Variants in KIAA1217 observed in about 807,000 individuals in gnomAD.
The protein encoded by KIAA1217 is sickle tail protein homolog.
A neutral mutation model predicts 163.9 loss-of-function variants in KIAA1217; 88 were observed. The observed-to-expected ratio is 0.54, with a 90% CI of 0.45 to 0.64. KIAA1217 has a LOEUF of 0.64. Ranked by LOEUF, KIAA1217 falls within the 30% of genes least tolerant of loss-of-function variation. The probability of loss-of-function intolerance (pLI) is 0.00; values close to 1 mark genes in which losing one functional copy is unlikely to be tolerated. For missense variants in KIAA1217, 2,372 were observed against 2,475.0 expected (o/e 0.96, Z 0.88); for synonymous variants, 903 against 923.1 (o/e 0.98, Z 0.39).
At chr10:23,927,862 G>T (rs377605581) in intron 1 of KIAA1217, among the ~76,000 whole-genome samples, 3 of 152,110 alleles carry the variant, frequency 2.0e-5, no homozygotes, top group East Asian at 3.9e-4. Context: ...ATGTCACATT[G>T]AACATAAGAC....
intron 2 of KIAA1217, among the ~76,000 whole-genome samples, chr10:24,149,731 A>G (rs1235264179): frequency 6.6e-6 from 1 of 152,192 alleles, no homozygotes; most frequent in Non-Finnish European, 1.5e-5. Flanking sequence ...TTATATTTCA[A>G]AATAACTACA....
At chr10:23,740,634 A>C (rs1453356395) in intron 1 of KIAA1217, among the ~76,000 whole-genome samples, 4 of 152,150 alleles carry the variant, frequency 2.6e-5, no homozygotes, top group Admixed American at 6.5e-5. Context: ...TGCTGTGATT[A>C]CAGGCATGAG....
chr10:23,953,167 G>C (rs940268557), intron 1 of KIAA1217, among the ~76,000 whole-genome samples: 1 of 152,220 alleles, frequency 6.6e-6, no homozygotes, highest in Non-Finnish European at 1.5e-5. Context: ...TAACAGTTAA[G>C]AGTTTGGGCT....
chr10:24,295,463 AG>A (rs1219187012), intron 2 of KIAA1217, among the ~76,000 whole-genome samples: 1 of 152,168 alleles, frequency 6.6e-6, no homozygotes, highest in African/African-American at 2.4e-5. Context: ...GGACTATTTC[AG>A]GAGCCCCTTC....
At chr10:23,920,709 T>C (rs1842819413) in intron 1 of KIAA1217, among the ~76,000 whole-genome samples, 1 of 152,170 alleles carries the variant, frequency 6.6e-6, no homozygotes, top group African/African-American at 2.4e-5. Flanking sequence ...GCCCAGTCAG[T>C]CCACTGATAG....
At chr10:24,437,107 A>G (rs1166121155) in intron 4 of KIAA1217, among the ~76,000 whole-genome samples, 3 of 152,180 alleles carry the variant, frequency 2.0e-5, no homozygotes, top group Non-Finnish European at 4.4e-5. Flanking sequence ...CCAGAATCAC[A>G]GTTAGTCTTT....
chr10:23,987,324 C>G (rs368552207), intron 1 of KIAA1217, among the ~76,000 whole-genome samples: 11 of 140,020 alleles, frequency 7.9e-5, no homozygotes, highest in African/African-American at 2.7e-4. Flanking sequence ...TTGCAGTGAG[C>G]TGAGATTGCA....
intron 1 of KIAA1217, among the ~76,000 whole-genome samples, chr10:23,899,326 T>C (rs961223671): frequency 3.3e-5 from 5 of 152,118 alleles, no homozygotes; most frequent in Non-Finnish European, 7.4e-5. Context: ...TGTCAGTACT[T>C]GATATTGTCA....
At chr10:24,133,894 C>T (rs1253083207) in intron 2 of KIAA1217, among the ~76,000 whole-genome samples, 1 of 152,132 alleles carries the variant, frequency 6.6e-6, no homozygotes, top group Non-Finnish European at 1.5e-5. Flanking sequence ...TAGGAGTGGT[C>T]AGAAAATAGT....
At chr10:24,057,074 T>A (rs2131592913) in intron 2 of KIAA1217, among the ~76,000 whole-genome samples, 1 of 151,140 alleles carries the variant, frequency 6.6e-6, no homozygotes, top group African/African-American at 2.4e-5. Context: ...GAAGACCCCA[T>A]CTCTACAAAA....
At position 23,855,804 on chromosome 10, in the gene KIAA1217, C is replaced by T. The variant is rs529243331; in HGVS notation, c.-320-151421C>T. Among the ~76,000 whole-genome samples, 6 of 152,276 alleles carry T rather than the reference C, an allele frequency of 3.9e-5. No individual in the cohort carries two copies. The East Asian group carries it at 7.7e-4, about 20-fold the overall frequency. On this transcript the variant is annotated intron_variant, in intron 1 of 18. Transcript: ENST00000376462. ...TACCCTTTCTTCCAGTTGATCGCATCGGCTCCTGAGGCTTCTGCATTCTTC... is the reference window on the plus strand; with the variant it reads ...TACCCTTTCTTCCAGTTGATCGCATTGGCTCCTGAGGCTTCTGCATTCTTC...
chr10:24,508,472 C>T (rs546622824), intron 9 of KIAA1217, among the ~76,000 whole-genome samples: 1 of 152,260 alleles, frequency 6.6e-6, no homozygotes, highest in Admixed American at 6.5e-5. Flanking sequence ...TAACACTGTA[C>T]TGAAGATTGT....
At position 24,543,532 on chromosome 10, in the gene KIAA1217, A is replaced by C; in HGVS notation, c.4262A>C (p.Glu1421Ala). The C allele has an allele frequency of 6.2e-7, 1 of 1,614,148 alleles. No individual in the cohort carries two copies. The highest frequency in any genetic ancestry group is 8.5e-7 in the Non-Finnish European group (1 of 1,180,028). The part of the protein sequence containing the change: ...IQTVNIDARK[E>A]MTPRQEGTDN... ...ACGGTTAATATCGATGCCAGAAAAGAGATGACCCCCCGACAAGAAGGGACT... is the reference window on the plus strand; with the variant it reads ...ACGGTTAATATCGATGCCAGAAAAGCGATGACCCCCCGACAAGAAGGGACT... The change falls in exon 19 of 21, where the codon GAG becomes GCG. Residue 1421 changes from glutamate (E) to alanine (A), a missense_variant. Physicochemically the swap from Glu to Ala is moderately radical, Grantham distance 107. Transcript: ENST00000376454.
At chr10:23,966,654 A>G (rs546238218) in intron 1 of KIAA1217, among the ~76,000 whole-genome samples, 1 of 152,344 alleles carries the variant, frequency 6.6e-6, no homozygotes, top group South Asian at 2.1e-4. Context: ...TGTTTTCCCA[A>G]GCTCCATTCC....
chr10:23,887,719 T>G (rs1441416154), intron 1 of KIAA1217, among the ~76,000 whole-genome samples: 1 of 151,828 alleles, frequency 6.6e-6, no homozygotes, highest in Non-Finnish European at 1.5e-5. Flanking sequence ...AGTTTTTACT[T>G]GTTTACTTAT....
chr10:23,704,373 A>T (rs1366048562), intron 1 of KIAA1217, among the ~76,000 whole-genome samples: 1 of 151,402 alleles, frequency 6.6e-6, no homozygotes, highest in East Asian at 1.9e-4. Context: ...TTATAAGGTC[A>T]TGCAACTACC....
At chr10:24,164,621 C>T (rs1181076328) in intron 2 of KIAA1217, among the ~76,000 whole-genome samples, 1 of 152,140 alleles carries the variant, frequency 6.6e-6, no homozygotes, top group Non-Finnish European at 1.5e-5. Flanking sequence ...TTTCAGGAGA[C>T]ACTTAGATAG....
chr10:24,529,244 G>A (rs982456955), intron 14 of KIAA1217, among the ~76,000 whole-genome samples: 2 of 152,104 alleles, frequency 1.3e-5, no homozygotes, highest in African/African-American at 4.8e-5. Flanking sequence ...ATCTGAGGAC[G>A]TTCCAGTTCC....
rs78948160 is a variant in KIAA1217 at position 24,014,716 on chromosome 10, C to G, written c.-171+7342C>G. On this transcript the variant is annotated intron_variant, in intron 2 of 18. Transcript: ENST00000376462. ...TTAGTATCTTAAGAAAGTCTCAAAA[C>G]TTTGGAAAAAATTAGTGTTTTTGAA... 2.0e-3 allele frequency among the ~76,000 whole-genome samples: 301 copies of G among 152,212 alleles called. 2 individuals carry two copies. Among genetic ancestry groups the G allele is most frequent in the African/African-American group, 7.0e-3 (290 of 41,562 alleles).
Sources: gnomAD v4.1 joint callset for allele counts (sites outside exome capture counted in the v4.1 genomes callset) on GRCh38, gnomAD v4.1.1 for gene constraint, MANE v1.5 for transcripts, NCBI Gene and HGNC (gene_info 2026-07-23, HGNC 2026-07-21) for gene names.